The following CES5A variants were observed in gnomAD, a reference collection of about 807,000 sequenced individuals.
The protein encoded by CES5A is carboxylesterase 5.
Under a neutral mutation model 62.9 loss-of-function variants are expected in CES5A, and 67 were observed. That is an observed-to-expected ratio of 1.07 (90% CI 0.88 to 1.31). The LOEUF is 1.31. Among genes scored for constraint, CES5A ranks in the 50% most tolerant of loss-of-function variants. The pLI, the probability that CES5A is intolerant of heterozygous loss-of-function variation, is 0.00. For synonymous variants in CES5A, 296 were observed against 280.8 expected (o/e 1.05, Z -0.54); for missense variants, 748 against 708.5 (o/e 1.06, Z -0.63).
At chr16:55,876,237 T>C (rs555385475), upstream of CES5A, among the ~76,000 whole-genome samples, 141 of 152,350 alleles carry the variant, frequency 9.3e-4, 1 homozygote, top group Non-Finnish European at 1.7e-3. Flanking sequence ...CACTACCAAA[T>C]TGACTATCAA....
rs114098014 is a variant in CES5A, at chr16:55,940,369, T to C, written c.160+9416A>G. Among the ~76,000 whole-genome samples the C allele has an allele frequency of 7.4e-3, 1,124 of 152,114 alleles. 10 individuals are homozygous for C. The highest frequency in any genetic ancestry group is 0.045 in the Middle Eastern group (13 of 292). On this transcript the variant is annotated intron_variant, in intron 2 of 13. Transcript: ENST00000521992. Reference sequence around the variant, plus strand: ...AGAGAAGATATCACTACAGGTCCTGTGGCCATTAAAAATAATAAGGTAATA... The same window carrying C: ...AGAGAAGATATCACTACAGGTCCTGCGGCCATTAAAAATAATAAGGTAATA...
intron 1 of CES5A, among the ~76,000 whole-genome samples, chr16:55,924,877 GA>G (rs2034243106): frequency 6.6e-6 from 1 of 151,964 alleles, no homozygotes. Flanking sequence ...CAAAATGGAT[GA>G]AAGACTTAAA....
chr16:55,953,536 C>T (rs1377584908), intron 1 of CES5A, among the ~76,000 whole-genome samples: 1 of 151,852 alleles, frequency 6.6e-6, no homozygotes, highest in African/African-American at 2.4e-5. Flanking sequence ...TATTTTATGA[C>T]CCTATTCACA....
At chr16:55,890,694 C>T (rs559268795) in intron 1 of CES5A, among the ~76,000 whole-genome samples, 1 of 152,136 alleles carries the variant, frequency 6.6e-6, no homozygotes, top group African/African-American at 2.4e-5. Flanking sequence ...GAGGCTTATT[C>T]CTGGTGAGGA....
At chr16:55,931,886 T>C (rs1375587505) in intron 2 of CES5A, among the ~76,000 whole-genome samples, 1 of 152,202 alleles carries the variant, frequency 6.6e-6, no homozygotes, top group African/African-American at 2.4e-5. Flanking sequence ...GTTAAATGCA[T>C]ATCAGACATG....
At chr16:55,871,860 C>T (rs1384712843) in intron 2 of CES5A, 97 bp from the exon 3 acceptor site, 6 of 1,322,884 alleles carry the variant, frequency 4.5e-6, no homozygotes, top group Non-Finnish European at 6.3e-6. Flanking sequence ...CTGGCCGTCT[C>T]CTCTGCCTGA....
intron 5 of CES5A, 73 bp downstream of exon 5, chr16:55,865,890 T>A (rs2033446061): frequency 6.6e-7 from 1 of 1,522,860 alleles, no homozygotes; most frequent in Non-Finnish European, 9.1e-7. Context: ...AACAATCAAA[T>A]GTTAGTGACT....
At chr16:55,868,620 C>T (rs1167032817) in intron 4 of CES5A, among the ~76,000 whole-genome samples, 1 of 152,182 alleles carries the variant, frequency 6.6e-6, no homozygotes, top group Non-Finnish European at 1.5e-5. Flanking sequence ...CATTATCTCT[C>T]CCATAGTCAG....
intron 1 of CES5A, among the ~76,000 whole-genome samples, chr16:55,888,605 T>C (rs1282218679): frequency 6.6e-6 from 1 of 152,218 alleles, no homozygotes; most frequent in African/African-American, 2.4e-5. Flanking sequence ...ATAAACTACC[T>C]GAACCTTAGT....
upstream of CES5A, among the ~76,000 whole-genome samples, chr16:55,876,312 T>G (rs1394395534): frequency 6.6e-6 from 1 of 152,250 alleles, no homozygotes; most frequent in African/African-American, 2.4e-5. Flanking sequence ...AAATTGTATC[T>G]ACCTAGTGCA....
intron 5 of CES5A, among the ~76,000 whole-genome samples, chr16:55,865,142 G>A (rs572438483): frequency 6.6e-6 from 1 of 152,122 alleles, no homozygotes; most frequent in Admixed American, 6.6e-5. Flanking sequence ...GGAGGCGGAG[G>A]TTCTGGTGAG....
At chr16:55,854,939 T>C (rs1177994991) in intron 9 of CES5A, among the ~76,000 whole-genome samples, 1 of 152,136 alleles carries the variant, frequency 6.6e-6, no homozygotes, top group Non-Finnish European at 1.5e-5. Context: ...CTGAAAGCAT[T>C]CTCTCCTGCT....
At chr16:55,948,179 G>A (rs1415958094) in intron 2 of CES5A, among the ~76,000 whole-genome samples, 4 of 152,168 alleles carry the variant, frequency 2.6e-5, no homozygotes, top group Admixed American at 2.6e-4. Context: ...AATAGGATCT[G>A]TGGCTCATAC....
chr16:55,885,200 C>G (rs1481070404), intron 1 of CES5A, among the ~76,000 whole-genome samples: 1 of 152,142 alleles, frequency 6.6e-6, no homozygotes, highest in Non-Finnish European at 1.5e-5. Flanking sequence ...AGCATTCCCC[C>G]TAATGTGGGA....
chr16:55,849,836 T>G, intron 10 of CES5A, 63 bp from the exon 11 acceptor site: 1 of 1,554,612 alleles, frequency 6.4e-7, no homozygotes, highest in Non-Finnish European at 8.8e-7. Context: ...TGGCTCTGTG[T>G]CCCCACCTAT....
At chr16:55,951,074 C>G (rs2034551409) in intron 1 of CES5A, among the ~76,000 whole-genome samples, 1 of 128,662 alleles carries the variant, frequency 7.8e-6, no homozygotes. Flanking sequence ...AAACTACACT[C>G]CAGCCTGGGA....
chr16:55,861,181 T>G (rs1393513559), intron 7 of CES5A, among the ~76,000 whole-genome samples: 10 of 152,224 alleles, frequency 6.6e-5, no homozygotes, highest in Non-Finnish European at 1.3e-4. Flanking sequence ...AGACAAGCCT[T>G]GTACTTTGCT....
At chr16:55,897,608 C>T (rs1328930712) in intron 1 of CES5A, among the ~76,000 whole-genome samples, 3 of 152,188 alleles carry the variant, frequency 2.0e-5, no homozygotes, top group African/African-American at 7.2e-5. Context: ...GATGGAAGGA[C>T]TTTGAGACAG....
chr16:55,849,622 A>G lies in CES5A; in HGVS notation c.1423+2T>C. On this transcript the variant is annotated splice_donor_variant, in intron 11 of 12. Transcript: ENST00000290567. LOFTEE classifies it high-confidence loss of function. ...AACTGTGGGAAGTGGCCAGTCCCTT[A>G]CCGAACATAACAATGTCCCCCTTCA... The G allele has an allele frequency of 6.2e-7, 1 of 1,613,920 alleles. No homozygotes were observed. The highest frequency in any genetic ancestry group is 8.5e-7 in the Non-Finnish European group (1 of 1,179,822).
Sources: gnomAD v4.1 joint callset for allele counts (sites outside exome capture counted in the v4.1 genomes callset) on GRCh38, gnomAD v4.1.1 for gene constraint, MANE v1.5 for transcripts, NCBI Gene and HGNC (gene_info 2026-07-23, HGNC 2026-07-21) for gene names.